Variants in MYO1D observed in about 807,000 individuals in gnomAD.
MYO1D encodes the protein myosin ID.
A neutral mutation model predicts 122.0 loss-of-function variants in MYO1D; 83 were observed. That is an observed-to-expected ratio of 0.68 (90% CI 0.57 to 0.82). The LOEUF (loss-of-function observed/expected upper bound fraction) is 0.82, where lower values mean the gene tolerates loss of function less well. Ranked by LOEUF, MYO1D falls within the 40% of genes least tolerant of loss-of-function variation. The pLI, the probability that MYO1D is intolerant of heterozygous loss-of-function variation, is 0.00. For missense variants in MYO1D, 1,157 were observed against 1,269.5 expected, an observed-to-expected ratio of 0.91 and a Z score of 1.35; for synonymous variants, 464 against 446.9, an observed-to-expected ratio of 1.04 and a Z score of -0.48.
At chr17:32,841,671 T>C (rs2090883318) in intron 1 of MYO1D, among the ~76,000 whole-genome samples, 2 of 152,076 alleles carry the variant, frequency 1.3e-5, no homozygotes, top group African/African-American at 4.8e-5. Flanking sequence ...AAAAAGATAA[T>C]TTCAGAGATC....
At chr17:32,744,785 C>A (rs1225499891) in intron 13 of MYO1D, among the ~76,000 whole-genome samples, 1 of 152,222 alleles carries the variant, frequency 6.6e-6, no homozygotes, top group Non-Finnish European at 1.5e-5. Context: ...TCAGGGCTCA[C>A]TGACACTAGA....
intron 10 of MYO1D, among the ~76,000 whole-genome samples, chr17:32,757,178 T>C (rs185555486): frequency 2.0e-5 from 3 of 152,322 alleles, no homozygotes; most frequent in Non-Finnish European, 2.9e-5. Context: ...TTTAGCTCCA[T>C]TTCTAGTCTT....
At chr17:32,575,849 G>A (rs530415974) in intron 21 of MYO1D, among the ~76,000 whole-genome samples, 1 of 152,200 alleles carries the variant, frequency 6.6e-6, no homozygotes, top group Admixed American at 6.5e-5. Flanking sequence ...ACCTGCCGGG[G>A]ATAGCATTCC....
intron 20 of MYO1D, among the ~76,000 whole-genome samples, chr17:32,609,570 G>A (rs896397056): frequency 2.6e-5 from 4 of 152,152 alleles, no homozygotes; most frequent in African/African-American, 7.2e-5. Context: ...AGTTCAGCCC[G>A]TCTGCAGGCC....
intron 21 of MYO1D, among the ~76,000 whole-genome samples, chr17:32,555,565 T>C (rs1490193959): frequency 6.6e-6 from 1 of 152,204 alleles, no homozygotes; most frequent in African/African-American, 2.4e-5. Context: ...TGGCTGCCTG[T>C]TGTCTGTTGC....
intron 16 of MYO1D, among the ~76,000 whole-genome samples, chr17:32,669,844 A>T (rs935783915): frequency 6.6e-6 from 1 of 152,084 alleles, no homozygotes; most frequent in African/African-American, 2.4e-5. Flanking sequence ...TACACATTTT[A>T]TTTAGCTAAT....
intron 12 of MYO1D, among the ~76,000 whole-genome samples, chr17:32,745,921 G>A (rs1470172247): frequency 1.3e-5 from 2 of 152,170 alleles, no homozygotes; most frequent in Non-Finnish European, 2.9e-5. Context: ...CCCAGTGACT[G>A]GCATGGACTC....
At chr17:32,625,042 T>G (rs1295508848) in intron 20 of MYO1D, among the ~76,000 whole-genome samples, 1 of 152,138 alleles carries the variant, frequency 6.6e-6, no homozygotes, top group Non-Finnish European at 1.5e-5. Context: ...CTGCCTGCCT[T>G]GACCTCCCAA....
intron 1 of MYO1D, among the ~76,000 whole-genome samples, chr17:32,828,515 C>CAAAAAAAA (rs137921871): frequency 9.7e-5 from 7 of 71,800 alleles, no homozygotes; most frequent in Admixed American, 1.8e-4. Context: ...GACTCCGTCT[C>CAAAAAAAA]AAAAAAAAAA....
At chr17:32,668,870 T>C (rs2088671593) in intron 16 of MYO1D, among the ~76,000 whole-genome samples, 1 of 151,900 alleles carries the variant, frequency 6.6e-6, no homozygotes, top group Admixed American at 6.6e-5. Context: ...CCTGGCTAAT[T>C]TTTTGTATTT....
intron 21 of MYO1D, among the ~76,000 whole-genome samples, chr17:32,547,529 G>T (rs1050275466): frequency 6.6e-6 from 1 of 152,218 alleles, no homozygotes; most frequent in Non-Finnish European, 1.5e-5. Flanking sequence ...TTCTGCTGCC[G>T]CAGAATCACA....
chr17:32,702,862 T>C (rs1248899643), intron 16 of MYO1D, among the ~76,000 whole-genome samples: 1 of 152,104 alleles, frequency 6.6e-6, no homozygotes, highest in East Asian at 1.9e-4. Flanking sequence ...CGAGCCACAA[T>C]TAGGCCTGAA....
At chr17:32,874,217 A>G (rs2091206998) in intron 1 of MYO1D, among the ~76,000 whole-genome samples, 1 of 151,574 alleles carries the variant, frequency 6.6e-6, no homozygotes, top group Non-Finnish European at 1.5e-5. Context: ...CCTAAGCTTT[A>G]TAAGGCTTTT....
rs1598079186 is a variant in MYO1D, at chr17:32,765,095, G to A, written c.832-14C>T. 6.3e-7 allele frequency: 1 copy of A among 1,585,094 alleles called. No individual in the cohort carries two copies. Among genetic ancestry groups the A allele is most frequent in the South Asian group, 1.1e-5 (1 of 89,774 alleles). On this transcript the variant is annotated splice_polypyrimidine_tract_variant and intron_variant, in intron 7 of 21. Coordinates refer to ENST00000318217, the MANE Select transcript of MYO1D (RefSeq NM_015194.3). ...TTTTAAATTTCCCTGTATCAAAAGT[G>A]AAAAAAATAACACATTATGAAACAT...
intron 20 of MYO1D, among the ~76,000 whole-genome samples, chr17:32,609,305 A>G (rs1315966640): frequency 3.3e-5 from 5 of 152,214 alleles, no homozygotes; most frequent in Admixed American, 1.3e-4. Context: ...CACAGGTGCT[A>G]TCAGCCAGGC....
intron 21 of MYO1D, among the ~76,000 whole-genome samples, chr17:32,536,413 A>G (rs1910667190): frequency 1.3e-5 from 2 of 152,222 alleles, no homozygotes; most frequent in Non-Finnish European, 2.9e-5. Context: ...CATATCTTGA[A>G]GAGGGAAAAC....
intron 11 of MYO1D, among the ~76,000 whole-genome samples, chr17:32,749,441 T>A (rs909430515): frequency 6.6e-6 from 1 of 152,214 alleles, no homozygotes; most frequent in Admixed American, 6.5e-5. Flanking sequence ...ACTTTAATCT[T>A]GGCTACAGGC....
chr17:32,778,443 T>C (rs773606616), intron 3 of MYO1D, 37 bp downstream of exon 3: 2 of 1,573,968 alleles, frequency 1.3e-6, no homozygotes, highest in East Asian at 4.5e-5. Context: ...GAAAACAGAG[T>C]GCTAAGAATT....
intron 21 of MYO1D, among the ~76,000 whole-genome samples, chr17:32,562,219 G>A (rs1023965838): frequency 2.6e-5 from 4 of 151,364 alleles, no homozygotes; most frequent in East Asian, 2.0e-4. Flanking sequence ...TGATACGCTC[G>A]TTCTTTCAAT....
Sources: allele counts gnomAD v4.1 joint callset (sites outside exome capture counted in the v4.1 genomes callset), GRCh38; gene constraint gnomAD v4.1.1; transcripts MANE v1.5; gene names NCBI Gene and HGNC (gene_info 2026-07-23, HGNC 2026-07-21).